The following NAV3 variants were observed in gnomAD, a reference collection of about 807,000 sequenced individuals.
NAV3 encodes the protein pore membrane and/or filament interacting like protein 1.
A neutral mutation model predicts 244.7 loss-of-function variants in NAV3; 87 were observed. The ratio of observed to expected loss-of-function variants is 0.36; its 90% CI spans 0.30 to 0.42. The LOEUF is 0.42. NAV3 is among the 20% of genes least tolerant of loss of function. NAV3 has a pLI of 1.00. For missense variants in NAV3, 2,663 were observed against 2,893.3 expected (o/e 0.92, Z 1.83); for synonymous variants, 1,126 against 1,042.2 (o/e 1.08, Z -1.55).
chr12:77,709,684 C>A (rs1329180202), intron 2 of NAV3, among the ~76,000 whole-genome samples: 1 of 152,152 alleles, frequency 6.6e-6, no homozygotes, highest in Non-Finnish European at 1.5e-5. Context: ...ACATAACATG[C>A]CCATCATCAT....
chr12:77,652,463 C>T (rs1478131197), intron 2 of NAV3, among the ~76,000 whole-genome samples: 2 of 152,136 alleles, frequency 1.3e-5, no homozygotes, highest in Non-Finnish European at 2.9e-5. Context: ...TCACTTTTTA[C>T]AATCTCAAAC....
chr12:77,828,758 A>C (rs968146579), upstream of NAV3, among the ~76,000 whole-genome samples: 4 of 152,210 alleles, frequency 2.6e-5, no homozygotes, highest in African/African-American at 9.7e-5. Context: ...TCAGAGTGAA[A>C]GATATTGCCT....
At chr12:78,028,876 C>G (rs559072117) in intron 9 of NAV3, among the ~76,000 whole-genome samples, 1 of 152,096 alleles carries the variant, frequency 6.6e-6, no homozygotes, top group Non-Finnish European at 1.5e-5. Flanking sequence ...GTTAATTTAG[C>G]CCAGTGACGA....
chr12:77,997,293 C>T (rs1388009932), intron 6 of NAV3, among the ~76,000 whole-genome samples: 1 of 145,114 alleles, frequency 6.9e-6, no homozygotes, highest in Non-Finnish European at 1.5e-5. Context: ...ACTTCTAGTT[C>T]TTAATTTATA....
At chr12:77,826,479 G>A (rs1237742285), upstream of NAV3, among the ~76,000 whole-genome samples, 1 of 152,068 alleles carries the variant, frequency 6.6e-6, no homozygotes, top group African/African-American at 2.4e-5. Context: ...GTGACAGAGC[G>A]TGACTCTGTC....
At chr12:78,171,256 G>A (rs1957987408) in intron 24 of NAV3, among the ~76,000 whole-genome samples, 1 of 151,560 alleles carries the variant, frequency 6.6e-6, no homozygotes, top group Non-Finnish European at 1.5e-5. Context: ...CTATAATAAA[G>A]CAGCTTATGT....
intron 2 of NAV3, among the ~76,000 whole-genome samples, chr12:77,661,594 T>C (rs962096951): frequency 6.6e-6 from 1 of 152,128 alleles, no homozygotes; most frequent in South Asian, 2.1e-4. Flanking sequence ...ATCATGCCTT[T>C]GGTATAATAT....
intron 12 of NAV3, among the ~76,000 whole-genome samples, chr12:78,104,250 G>A (rs956150035): frequency 1.3e-5 from 2 of 152,138 alleles, no homozygotes; most frequent in Non-Finnish European, 2.9e-5. Context: ...CCAGTAACAT[G>A]AAATATCAAA....
chr12:77,977,708 A>ACACGCGCG lies in NAV3; in HGVS notation c.671+9007_671+9008insACGCGCGC, dbSNP rs71088353. ...TATATATACACACACACACACACAC[A>ACACGCGCG]CGCGCACACACACACACACACACAC... On this transcript the variant is annotated intron_variant, in intron 5 of 39. Transcript: ENST00000397909. Among the ~76,000 whole-genome samples, 29 of 73,356 alleles carry ACACGCGCG rather than the reference A, an allele frequency of 4.0e-4. 1 individual carries two copies. The highest frequency in any genetic ancestry group is 5.6e-4 in the Non-Finnish European group (18 of 32,226). 48.1% of individuals were successfully genotyped at this position (73,356 alleles called of 152,430 possible).
intron 12 of NAV3, among the ~76,000 whole-genome samples, chr12:78,070,317 G>T (rs895250882): frequency 1.3e-5 from 2 of 151,468 alleles, no homozygotes; most frequent in Admixed American, 6.6e-5. Flanking sequence ...TGCAAATGAG[G>T]CATGCAATGC....
At chr12:78,143,603 C>T (rs2853477) in intron 20 of NAV3, among the ~76,000 whole-genome samples, 2 of 135,756 alleles carry the variant, frequency 1.5e-5, no homozygotes, top group Non-Finnish European at 3.1e-5. Flanking sequence ...CCAGCCTGGG[C>T]GACAAAGCCA....
At chr12:78,112,558 A>G (rs300435) in intron 12 of NAV3, among the ~76,000 whole-genome samples, 122,001 of 151,972 alleles carry the variant, frequency 0.8, 49,319 homozygotes, top group Non-Finnish European at 0.85. Context: ...AGGGGGAAAA[A>G]CCCCTTATAA....
chr12:78,190,987 C>T (rs1489174509), intron 34 of NAV3, among the ~76,000 whole-genome samples: 1 of 152,080 alleles, frequency 6.6e-6, no homozygotes, highest in Non-Finnish European at 1.5e-5. Context: ...CTAAAAGTTT[C>T]TGTCGGGAAA....
chr12:78,182,218 A>G (rs1384965722), intron 30 of NAV3, among the ~76,000 whole-genome samples: 1 of 152,116 alleles, frequency 6.6e-6, no homozygotes. Flanking sequence ...AATTACACAT[A>G]AAGTATTATC....
chr12:77,801,511 T>G (rs1487373034), intron 2 of NAV3, among the ~76,000 whole-genome samples: 1 of 152,134 alleles, frequency 6.6e-6, no homozygotes, highest in African/African-American at 2.4e-5. Flanking sequence ...TTAGATAGTA[T>G]GTTATTACAG....
At chr12:78,092,495 T>TA (rs1335954630) in intron 12 of NAV3, among the ~76,000 whole-genome samples, 1 of 131,264 alleles carries the variant, frequency 7.6e-6, no homozygotes, top group Non-Finnish European at 1.6e-5. Flanking sequence ...TATTTTCTTT[T>TA]TTTTTTTTTT....
intron 2 of NAV3, among the ~76,000 whole-genome samples, chr12:77,611,910 G>A (rs1377103031): frequency 6.6e-6 from 1 of 151,956 alleles, no homozygotes; most frequent in Non-Finnish European, 1.5e-5. Flanking sequence ...ATTCAAAGAT[G>A]TTTGCTACTA....
intron 2 of NAV3, among the ~76,000 whole-genome samples, chr12:77,760,330 G>A (rs569412397): frequency 6.6e-6 from 1 of 152,336 alleles, no homozygotes; most frequent in Admixed American, 6.5e-5. Flanking sequence ...GAGTAGGAAT[G>A]GGAAGATTGA....
chr12:77,988,527 A>T (rs1251729701), intron 5 of NAV3, among the ~76,000 whole-genome samples: 2 of 152,144 alleles, frequency 1.3e-5, no homozygotes, highest in African/African-American at 4.8e-5. Flanking sequence ...TGAGAAAAAT[A>T]AAAAGCAGCC....
Sources: allele counts gnomAD v4.1 joint callset (sites outside exome capture counted in the v4.1 genomes callset), GRCh38; gene constraint gnomAD v4.1.1; transcripts MANE v1.5; gene names NCBI Gene and HGNC (gene_info 2026-07-23, HGNC 2026-07-21).